The following USH2A variants were observed in gnomAD, a reference collection of about 807,000 sequenced individuals.
USH2A encodes the protein usherin.
In USH2A, 443 loss-of-function variants were observed where a neutral mutation model predicts 538.9. The ratio of observed to expected loss-of-function variants is 0.82; its 90% CI spans 0.76 to 0.89. The LOEUF is 0.89. Ranked by LOEUF, USH2A falls within the 40% of genes least tolerant of loss-of-function variation. USH2A has a pLI of 0.00. For synonymous variants in USH2A, 2,413 were observed against 2,273.5 expected, an observed-to-expected ratio of 1.06 and a Z score of -1.75; for missense variants, 6,633 against 6,324.8, an observed-to-expected ratio of 1.05 and a Z score of -1.65.
chr1:215,995,399 T>C (rs1426177226), intron 34 of USH2A, among the ~76,000 whole-genome samples: 1 of 152,232 alleles, frequency 6.6e-6, no homozygotes. Flanking sequence ...AATTATTTTA[T>C]TTTGTTTTGC....
At chr1:216,251,407 C>T (rs1478598891) in intron 11 of USH2A, among the ~76,000 whole-genome samples, 1 of 147,116 alleles carries the variant, frequency 6.8e-6, no homozygotes, top group African/African-American at 2.5e-5. Flanking sequence ...AGAAAATAGT[C>T]AGCAGTTAAT....
At chr1:215,708,901 A>G (rs2102696315) in intron 61 of USH2A, among the ~76,000 whole-genome samples, 1 of 152,144 alleles carries the variant, frequency 6.6e-6, no homozygotes, top group African/African-American at 2.4e-5. Flanking sequence ...GGGTTTATGG[A>G]TTATATTATC....
chr1:215,851,133 A>C (rs1664005588), intron 44 of USH2A, among the ~76,000 whole-genome samples: 1 of 152,196 alleles, frequency 6.6e-6, no homozygotes, highest in Non-Finnish European at 1.5e-5. Context: ...CACCTCAAGG[A>C]ACTAGAGAAA....
intron 3 of USH2A, among the ~76,000 whole-genome samples, chr1:216,407,728 T>G (rs1215375105): frequency 6.6e-6 from 1 of 152,178 alleles, no homozygotes; most frequent in Non-Finnish European, 1.5e-5. Flanking sequence ...AGTTAGCCCT[T>G]TGGGCACAAA....
chr1:215,800,566 C>T (rs1371301026), intron 49 of USH2A, among the ~76,000 whole-genome samples: 1 of 152,154 alleles, frequency 6.6e-6, no homozygotes. Context: ...TGGACTTCTT[C>T]TCAATTAGTT....
In USH2A at chr1:216,311,945, C is replaced by T. The variant is rs931560824; in HGVS notation, c.1644+9938G>A. On this transcript the variant is annotated intron_variant, in intron 9 of 71. Transcript: ENST00000307340. ...TTGAACAAACTGGTATCTACTAGAT[C>T]AATTAAGGATAAGAAAAATAAAAGT... Among the ~76,000 whole-genome samples the T allele has an allele frequency of 2.0e-5, 3 of 151,992 alleles. No individual in the cohort carries two copies. The South Asian group carries it at 6.2e-4, about 31-fold the overall frequency.
In USH2A at chr1:215,878,454, A is replaced by G. The variant is rs1334434489; in HGVS notation, c.8558+310T>C. On this transcript the variant is annotated intron_variant, in intron 42 of 71. Transcript: ENST00000307340. Reference sequence around the variant, plus strand: ...CATTTGTGCAAATGTATCATATAGAACCTACATCAGGTTTGCCTAACATAT... The same window carrying G: ...CATTTGTGCAAATGTATCATATAGAGCCTACATCAGGTTTGCCTAACATAT... Among the ~76,000 whole-genome samples the G allele has an allele frequency of 8.5e-5, 13 of 152,258 alleles. No homozygotes were observed. In the East Asian group the frequency reaches 2.3e-3, roughly 27 times the overall value.
intron 21 of USH2A, among the ~76,000 whole-genome samples, chr1:216,132,174 T>C (rs183751010): frequency 6.6e-6 from 1 of 152,238 alleles, no homozygotes; most frequent in East Asian, 1.9e-4. Context: ...GAAGAGGCAT[T>C]ACCTTACTTG....
intron 21 of USH2A, among the ~76,000 whole-genome samples, chr1:216,118,767 T>C (rs2033065288): frequency 6.6e-6 from 1 of 152,252 alleles, no homozygotes; most frequent in Non-Finnish European, 1.5e-5. Context: ...CTTGCTATGA[T>C]ACCACCCTTT....
At chr1:216,330,185 T>C (rs909161135) in intron 4 of USH2A, among the ~76,000 whole-genome samples, 11 of 152,244 alleles carry the variant, frequency 7.2e-5, no homozygotes, top group Admixed American at 5.9e-4. Context: ...GGAAGCCTAT[T>C]ATGTGCCAGG....
rs760913203 is a variant in USH2A, at chr1:215,813,699, C to A, written c.9739+37G>T. 13 of 1,613,030 alleles carry A rather than the reference C, an allele frequency of 8.1e-6. No homozygotes were observed. The South Asian group carries it at 1.4e-4, about 18-fold the overall frequency. ...AACCACGTGTTTATGTTTTCAGGTTCCCATAGTTTTTGAGTACACCTGGAA... is the reference window on the plus strand; with the variant it reads ...AACCACGTGTTTATGTTTTCAGGTTACCATAGTTTTTGAGTACACCTGGAA... On this transcript the variant is annotated intron_variant, in intron 49 of 71. Transcript: ENST00000307340.
At chr1:216,284,392 T>A (rs1438017372) in intron 11 of USH2A, among the ~76,000 whole-genome samples, 1 of 152,078 alleles carries the variant, frequency 6.6e-6, no homozygotes, top group South Asian at 2.1e-4. Context: ...CACCCTCACT[T>A]GGCACTTCTC....
chr1:215,998,476 C>T (rs1416533896), intron 34 of USH2A, among the ~76,000 whole-genome samples: 1 of 152,032 alleles, frequency 6.6e-6, no homozygotes, highest in East Asian at 1.9e-4. Flanking sequence ...GTCATTTAAA[C>T]TTCCATTTAA....
chr1:215,994,581 A>G (rs938881324), intron 34 of USH2A, among the ~76,000 whole-genome samples: 1 of 152,150 alleles, frequency 6.6e-6, no homozygotes, highest in African/African-American at 2.4e-5. Context: ...CAACTTTCAG[A>G]TGGGTTAAAT....
In USH2A at chr1:215,930,309, C is replaced by A. The variant is rs545168962; in HGVS notation, c.7300+4307G>T. On this transcript the variant is annotated intron_variant, in intron 38 of 71. Coordinates refer to ENST00000307340, the MANE Select transcript of USH2A (RefSeq NM_206933.4). ...GGAATTTGTCACTAATCATTTTAAA[C>A]TATGCCCTTTTATGCTTCTTCTGTC... 3.3e-5 allele frequency among the ~76,000 whole-genome samples: 5 copies of A among 152,064 alleles called. No individual in the cohort carries two copies. In the South Asian group the frequency reaches 1.0e-3, roughly 32 times the overall value.
At chr1:215,760,701 C>T (rs892428495) in intron 56 of USH2A, among the ~76,000 whole-genome samples, 4 of 152,120 alleles carry the variant, frequency 2.6e-5, no homozygotes, top group African/African-American at 9.7e-5. Flanking sequence ...AATAATGATC[C>T]CTGAGACTTT....
Position 215,625,509 on chromosome 1 carries a change from C to A in USH2A, c.*272G>T. On this transcript the variant is annotated 3_prime_UTR_variant, in exon 72 of 72. Transcript: ENST00000307340. The stretch of plus-strand genomic sequence containing the variant: ...CAGGAGCATCACTGCCAAACAGAAC[C>A]AAGTGACAATTACATACTTCTTTGT... 2.1e-6 allele frequency: 1 copy of A among 476,354 alleles called. No homozygotes were observed. Among genetic ancestry groups the A allele is most frequent in the Admixed American group, 3.4e-5 (1 of 29,516 alleles). 29.5% of individuals were successfully genotyped at this position (476,354 alleles called of 1,614,324 possible). A position where few individuals can be genotyped will look rare whatever the true frequency, so the allele number is the denominator to read the frequency against.
chr1:215,982,136 T>C (rs1667766341), intron 35 of USH2A, among the ~76,000 whole-genome samples: 1 of 152,228 alleles, frequency 6.6e-6, no homozygotes, highest in Admixed American at 6.5e-5. Flanking sequence ...TCAGCCCTTC[T>C]GTCATGACCA....
intron 32 of USH2A, among the ~76,000 whole-genome samples, chr1:216,018,371 C>T (rs990054324): frequency 7.9e-5 from 12 of 152,190 alleles, no homozygotes; most frequent in Non-Finnish European, 1.3e-4. Flanking sequence ...CTGAGGACCA[C>T]ATCCAGCTGG....
Sources: allele counts gnomAD v4.1 joint callset (sites outside exome capture counted in the v4.1 genomes callset), GRCh38; gene constraint gnomAD v4.1.1; transcripts MANE v1.5; gene names NCBI Gene and HGNC (gene_info 2026-07-23, HGNC 2026-07-21).